Variants in DAPK1 observed in about 807,000 individuals in gnomAD.
The protein encoded by DAPK1 is death associated protein kinase 1, also known as death-associated protein kinase 1.
Under a neutral mutation model 144.9 loss-of-function variants are expected in DAPK1, and 56 were observed. The observed-to-expected ratio is 0.39, with a 90% CI of 0.31 to 0.48. DAPK1 has a LOEUF of 0.48. Ranked by LOEUF, DAPK1 falls within the 20% of genes least tolerant of loss-of-function variation. DAPK1 has a pLI of 0.95. For synonymous variants in DAPK1, 690 were observed against 749.0 expected, an observed-to-expected ratio of 0.92 and a Z score of 1.29; for missense variants, 1,454 against 1,875.4, an observed-to-expected ratio of 0.78 and a Z score of 4.15.
At position 87,643,438 on chromosome 9, in the gene DAPK1, C is replaced by G; in HGVS notation, c.981C>G (p.Asn327Lys). The change falls in exon 11 of 26, where the codon AAC becomes AAG. Residue 327 changes from asparagine to lysine, a missense_variant. Asn to Lys is a moderately conservative substitution (Grantham distance 94). Around this residue, in one of 2 missense-constraint regions of DAPK1, gnomAD observed 429 missense variants for 637.5 expected, o/e 0.67. Coordinates refer to ENST00000408954, the MANE Select transcript of DAPK1 (RefSeq NM_004938.4). The part of the protein sequence containing the change: ...RLSRSFLSRS[N>K]MSVARSDDTL... ...CCAGGTCATTCCTGTCCAGAAGTAA[C>G]ATGAGTGTTGCCAGAAGCGATGATA... 2.5e-6 allele frequency: 4 copies of G among 1,582,514 alleles called. No individual in the cohort carries two copies. Among genetic ancestry groups the G allele is most frequent in the Non-Finnish European group, 3.4e-6 (4 of 1,164,128 alleles).
chr9:87,645,759 T>C, intron 11 of DAPK1, 136 bp from the exon 12 acceptor site: 1 of 1,110,674 alleles, frequency 9.0e-7, no homozygotes. Flanking sequence ...TCCATGACTG[T>C]ATGGATTTGG....
chr9:87,681,722 T>A, intron 20 of DAPK1, 96 bp downstream of exon 20: 1 of 739,966 alleles, frequency 1.4e-6, no homozygotes, highest in Non-Finnish European at 2.4e-6. Flanking sequence ...TGTGTTTGGG[T>A]CACTTGGCCT....
chr9:87,658,381 T>C (rs1830707465), intron 18 of DAPK1, among the ~76,000 whole-genome samples: 1 of 152,176 alleles, frequency 6.6e-6, no homozygotes, highest in African/African-American at 2.4e-5. Flanking sequence ...CCGCTGGCCT[T>C]TTTGTTTTTC....
intron 3 of DAPK1, chr9:87,632,205 G>C: frequency 2.1e-6 from 2 of 954,802 alleles, no homozygotes; most frequent in Non-Finnish European, 2.5e-6. Context: ...GAAGGAGGAT[G>C]AGTATATATG....
intron 3 of DAPK1, among the ~76,000 whole-genome samples, chr9:87,612,951 G>T (rs1369020521): frequency 6.6e-6 from 1 of 152,210 alleles, no homozygotes; most frequent in East Asian, 1.9e-4. Flanking sequence ...GGCCAAGTAA[G>T]TATTGGCATG....
intron 7 of DAPK1, 99 bp downstream of exon 7, chr9:87,639,914 C>T (rs1451881865): frequency 7.7e-7 from 1 of 1,295,888 alleles, no homozygotes; most frequent in African/African-American, 1.5e-5. Flanking sequence ...TCAGCTTATG[C>T]ATGCTTTTGA....
rs188509491 is a variant in DAPK1, at chr9:87,584,289, C to G, written c.63-20665C>G. On this transcript the variant is annotated intron_variant, in intron 2 of 25. Coordinates refer to ENST00000408954, the MANE Select transcript of DAPK1 (RefSeq NM_004938.4). ...TAAAATAGCTCTCTTGAACTCATTT[C>G]TCTTACCATTTTTTCTGGCCGAATA... 2.6e-5 allele frequency among the ~76,000 whole-genome samples: 4 copies of G among 152,274 alleles called. No individual in the cohort carries two copies. The East Asian group carries it at 5.8e-4, about 22-fold the overall frequency.
At chr9:87,517,896 G>A (rs1825122628) in intron 2 of DAPK1, among the ~76,000 whole-genome samples, 1 of 152,062 alleles carries the variant, frequency 6.6e-6, no homozygotes, top group South Asian at 2.1e-4. Flanking sequence ...AGCAGAATGG[G>A]AAGGTGAGTC....
At chr9:87,661,156 G>T (rs1830833082) in intron 18 of DAPK1, among the ~76,000 whole-genome samples, 1 of 152,178 alleles carries the variant, frequency 6.6e-6, no homozygotes, top group African/African-American at 2.4e-5. Flanking sequence ...TTTTCTTAAT[G>T]GCCAAGTAGT....
chr9:87,634,337 C>G (rs1829810610), intron 3 of DAPK1, among the ~76,000 whole-genome samples: 1 of 152,190 alleles, frequency 6.6e-6, no homozygotes, highest in Non-Finnish European at 1.5e-5. Context: ...TGGAGGGTCC[C>G]CTTCTAAGGT....
At chr9:87,653,096 G>C (rs570398123) in intron 17 of DAPK1, among the ~76,000 whole-genome samples, 1 of 143,982 alleles carries the variant, frequency 6.9e-6, no homozygotes, top group Non-Finnish European at 1.6e-5. Context: ...CCATCCCCCC[G>C]ATCCCGGGTC....
chr9:87,674,226 C>T (rs933834502), intron 19 of DAPK1, among the ~76,000 whole-genome samples: 5 of 152,010 alleles, frequency 3.3e-5, no homozygotes, highest in Admixed American at 1.3e-4. Flanking sequence ...AGGCTGGGTG[C>T]GGTGGCTCAC....
chr9:87,684,119 G>T (rs1018476773), intron 20 of DAPK1, among the ~76,000 whole-genome samples: 2 of 152,262 alleles, frequency 1.3e-5, no homozygotes, highest in Non-Finnish European at 2.9e-5. Context: ...CAGCGCCCGG[G>T]AAATGCAGAG....
chr9:87,648,603 G>A (rs1169006255), intron 14 of DAPK1, 178 bp from the exon 15 acceptor site: 2 of 594,536 alleles, frequency 3.4e-6, no homozygotes, highest in South Asian at 4.1e-5. Context: ...CTGTGTGGTG[G>A]ACACCCCAAC....
intron 2 of DAPK1, among the ~76,000 whole-genome samples, chr9:87,572,733 C>T (rs542545907): frequency 6.6e-6 from 1 of 152,284 alleles, no homozygotes; most frequent in African/African-American, 2.4e-5. Flanking sequence ...CAGTGCCATG[C>T]TTATACGGCC....
chr9:87,695,788 C>T (rs1327751535), intron 21 of DAPK1, among the ~76,000 whole-genome samples: 1 of 152,178 alleles, frequency 6.6e-6, no homozygotes, highest in Non-Finnish European at 1.5e-5. Flanking sequence ...GGTGACTTTT[C>T]ATAGTCACTG....
intron 21 of DAPK1, among the ~76,000 whole-genome samples, chr9:87,693,421 C>T (rs561319871): frequency 1.3e-5 from 2 of 151,890 alleles, no homozygotes; most frequent in South Asian, 4.2e-4. Context: ...TCTAGAATTT[C>T]TATTTTGATT....
intron 2 of DAPK1, among the ~76,000 whole-genome samples, chr9:87,581,507 C>T (rs1395104673): frequency 6.6e-6 from 1 of 152,038 alleles, no homozygotes; most frequent in Non-Finnish European, 1.5e-5. Context: ...CTTATCATGA[C>T]CAATAATTAG....
intron 18 of DAPK1, among the ~76,000 whole-genome samples, chr9:87,663,200 G>A (rs185761160): frequency 2.3e-4 from 35 of 152,138 alleles, no homozygotes; most frequent in African/African-American, 8.2e-4. Flanking sequence ...TCCGTTCCAC[G>A]TAACCCTCAG....
Sources: gnomAD v4.1 joint callset for allele counts (sites outside exome capture counted in the v4.1 genomes callset) on GRCh38, gnomAD v4.1.1 for gene constraint, gnomAD v4.1.1 regional missense constraint, MANE v1.5 for transcripts, NCBI Gene and HGNC (gene_info 2026-07-23, HGNC 2026-07-21) for gene names.